The following PTK2 variants were observed in gnomAD, a reference collection of about 807,000 sequenced individuals.
PTK2 encodes the protein focal adhesion kinase 1.
PTK2 carries 45 observed loss-of-function variants against 150.1 expected under a neutral mutation model. The observed-to-expected ratio is 0.30, with a 90% CI of 0.24 to 0.38. The LOEUF (loss-of-function observed/expected upper bound fraction) is 0.38, where lower values mean the gene tolerates loss of function less well. Among genes scored for constraint, PTK2 ranks in the 10% least tolerant of loss-of-function variants. PTK2 has a pLI of 1.00. For synonymous variants in PTK2, 432 were observed against 449.2 expected (o/e 0.96, Z 0.48); for missense variants, 919 against 1,307.3 (o/e 0.70, Z 4.58).
chr8:140,913,700 A>C (rs1191722073), intron 2 of PTK2, among the ~76,000 whole-genome samples: 1 of 152,208 alleles, frequency 6.6e-6, no homozygotes, highest in Admixed American at 6.5e-5. Flanking sequence ...AAAATTAAAC[A>C]AGACTTAAAT....
chr8:140,879,724 C>CA (rs1244026496), intron 3 of PTK2, 87 bp from the exon 4 acceptor site: 21,096 of 766,602 alleles, frequency 0.028, 3 homozygotes, highest in East Asian at 0.036. Flanking sequence ...AAAAACAAAA[C>CA]AAAAAAAAAA....
At chr8:140,940,092 A>G (rs2100175121) in intron 1 of PTK2, among the ~76,000 whole-genome samples, 1 of 152,218 alleles carries the variant, frequency 6.6e-6, no homozygotes, top group Non-Finnish European at 1.5e-5. Flanking sequence ...CTCCAGCTAC[A>G]CTTACTGTTC....
chr8:140,998,815 T>C (rs994782374), intron 1 of PTK2, among the ~76,000 whole-genome samples: 3 of 137,016 alleles, frequency 2.2e-5, no homozygotes, highest in Non-Finnish European at 4.6e-5. Context: ...TGAGACTCCG[T>C]CTCAAAAAAA....
At chr8:140,949,199 T>C (rs577478504) in intron 1 of PTK2, among the ~76,000 whole-genome samples, 2 of 152,370 alleles carry the variant, frequency 1.3e-5, no homozygotes, top group East Asian at 1.9e-4. Context: ...GTTTACTCTG[T>C]TGTAAAAATA....
intron 29 of PTK2, chr8:140,668,688 A>G (rs1333783335): frequency 6.8e-6 from 2 of 293,054 alleles, no homozygotes; most frequent in Non-Finnish European, 1.3e-5. Context: ...TAAAAACCCC[A>G]GATTCTTTCA....
chr8:140,676,762 C>CT (rs2100014032), intron 27 of PTK2, among the ~76,000 whole-genome samples: 3 of 32,406 alleles, frequency 9.3e-5, no homozygotes, highest in African/African-American at 1.5e-4. Context: ...CCCGTCTCTA[C>CT]TTTAAAAAAA....
chr8:140,935,004 T>C (rs1488575877), intron 1 of PTK2, among the ~76,000 whole-genome samples: 4 of 152,178 alleles, frequency 2.6e-5, no homozygotes, highest in African/African-American at 4.8e-5. Context: ...AATTACAACA[T>C]TAACAAGTGA....
rs527626477 is a variant in PTK2 at position 140,928,975 on chromosome 8, T to C, written c.-121-3226A>G. Among the ~76,000 whole-genome samples, 113 of 136,450 alleles carry C rather than the reference T, an allele frequency of 8.3e-4. 2 individuals are homozygous for C. Among genetic ancestry groups the C allele is most frequent in the Admixed American group, 6.8e-3 (94 of 13,850 alleles). 89.5% of individuals were successfully genotyped at this position (136,450 alleles called of 152,430 possible). ...TATCACAATTTTTTTTTTTTTTTTTTTTTTTTTTGAGACGGAGTCTCGCTC... is the reference window on the plus strand; with the variant it reads ...TATCACAATTTTTTTTTTTTTTTTTCTTTTTTTTGAGACGGAGTCTCGCTC... On this transcript the variant is annotated intron_variant, in intron 1 of 31. Coordinates refer to ENST00000522684, the Ensembl canonical transcript of PTK2.
intron 14 of PTK2, 104 bp from the exon 17 acceptor site, chr8:140,764,394 C>T (rs547039205): frequency 4.1e-5 from 35 of 851,304 alleles, no homozygotes; most frequent in Admixed American, 9.1e-5. Context: ...TCCTCTACTA[C>T]GCTGAAATAT....
At chr8:140,666,293 G>A (rs986811188) in intron 30 of PTK2, among the ~76,000 whole-genome samples, 3 of 152,084 alleles carry the variant, frequency 2.0e-5, no homozygotes, top group Admixed American at 1.3e-4. Context: ...AACCAAGATC[G>A]TGCCATTGCA....
intron 4 of PTK2, among the ~76,000 whole-genome samples, chr8:140,868,831 G>A (rs1008883342): frequency 6.6e-6 from 1 of 152,146 alleles, no homozygotes; most frequent in Non-Finnish European, 1.5e-5. Context: ...AGACATGACC[G>A]TAATGTGGTA....
At chr8:140,884,471 T>G (rs895211818) in intron 3 of PTK2, among the ~76,000 whole-genome samples, 2 of 152,182 alleles carry the variant, frequency 1.3e-5, no homozygotes, top group African/African-American at 4.8e-5. Flanking sequence ...TGATTGTTAT[T>G]AATAATCAAT....
At chr8:140,767,013 G>C (rs935610075) in intron 14 of PTK2, among the ~76,000 whole-genome samples, 1 of 152,138 alleles carries the variant, frequency 6.6e-6, no homozygotes, top group African/African-American at 2.4e-5. Context: ...AAGGGACCTG[G>C]CAGTTGAGGA....
At chr8:140,892,292 T>C (rs1601061168) in intron 2 of PTK2, among the ~76,000 whole-genome samples, 1 of 152,146 alleles carries the variant, frequency 6.6e-6, no homozygotes, top group South Asian at 2.1e-4. Context: ...CCCAACACTT[T>C]GGGAGGCTGA....
At chr8:140,780,705 G>C (rs2100081177) in intron 14 of PTK2, among the ~76,000 whole-genome samples, 1 of 152,150 alleles carries the variant, frequency 6.6e-6, no homozygotes, top group South Asian at 2.1e-4. Flanking sequence ...GGGACAATCA[G>C]GGATATTTGA....
At chr8:140,697,183 A>G (rs2100027183) in intron 26 of PTK2, among the ~76,000 whole-genome samples, 2 of 148,920 alleles carry the variant, frequency 1.3e-5, no homozygotes, top group South Asian at 4.3e-4. Flanking sequence ...TTGAGTGGGA[A>G]AGTGCCTCGA....
rs138982976 is a variant in PTK2 at position 140,962,077 on chromosome 8, T to C, written c.-121-36328A>G. Among the ~76,000 whole-genome samples the C allele has an allele frequency of 4.2e-3, 632 of 151,994 alleles. 3 individuals are homozygous for C. Among genetic ancestry groups the C allele is most frequent in the African/African-American group, 0.014 (592 of 41,456 alleles). On this transcript the variant is annotated intron_variant, in intron 1 of 31. Transcript: ENST00000522684. ...GGCCAACATGGCAAAACCCCGTCTC[T>C]ACTAAAAAAAATACAAAAATTAGCC... is the stretch of plus-strand genomic sequence containing the variant.
At chr8:140,925,589 C>G in intron 2 of PTK2, 72 bp downstream of exon 2, 1 of 886,470 alleles carries the variant, frequency 1.1e-6, no homozygotes, top group Non-Finnish European at 1.4e-6. Context: ...CAGGAAATAC[C>G]AACAAGTTCC....
rs4246127 is a variant in PTK2 at position 140,830,546 on chromosome 8, G to A, written c.594-20C>T. ...TCTTTTCTGAAATATAAAAAGAAGCGTATTAACAAATAACACCACCAAATC... is the reference window on the plus strand; with the variant it reads ...TCTTTTCTGAAATATAAAAAGAAGCATATTAACAAATAACACCACCAAATC... On this transcript the variant is annotated intron_variant, in intron 7 of 31. Coordinates refer to ENST00000522684, the Ensembl canonical transcript of PTK2. The A allele has an allele frequency of 0.49, 684,987 of 1,407,874 alleles. 174,248 individuals carry two copies. Among genetic ancestry groups the A allele is most frequent in the African/African-American group, 0.79 (54,272 of 68,404 alleles). 87.2% of individuals were successfully genotyped at this position (1,407,874 alleles called of 1,614,324 possible).
Sources: allele counts gnomAD v4.1 joint callset (sites outside exome capture counted in the v4.1 genomes callset), GRCh38; gene constraint gnomAD v4.1.1; transcripts MANE v1.5; gene names NCBI Gene and HGNC (gene_info 2026-07-23, HGNC 2026-07-21).